NRG3: variants seen among roughly 807,000 people sequenced by gnomAD.
NRG3 encodes neuregulin 3.
A neutral mutation model predicts 66.9 loss-of-function variants in NRG3; 31 were observed. That is an observed-to-expected ratio of 0.46 (90% CI 0.35 to 0.63). The LOEUF is 0.63. Ranked by LOEUF, NRG3 falls within the 20% of genes least tolerant of loss-of-function variation. The pLI is 0.00. For missense variants in NRG3, 910 were observed against 878.9 expected (o/e 1.04, Z -0.45); for synonymous variants, 393 against 359.4 (o/e 1.09, Z -1.06).
intron 1 of NRG3, chr10:81,889,796 G>C (rs1842884250): frequency 6.6e-6 from 1 of 152,092 alleles, no homozygotes; most frequent in Non-Finnish European, 1.5e-5. Context: ...TATTTGTTCA[G>C]GTCTTTTTGT....
intron 1 of NRG3, among the ~76,000 whole-genome samples, chr10:82,320,294 A>G (rs1285879774): frequency 6.6e-6 from 1 of 152,212 alleles, no homozygotes; most frequent in Admixed American, 6.5e-5. Flanking sequence ...GATGCTTAGT[A>G]AATACCTAAG....
At chr10:82,381,402 A>C (rs2085609421) in intron 2 of NRG3, among the ~76,000 whole-genome samples, 1 of 152,166 alleles carries the variant, frequency 6.6e-6, no homozygotes, top group Admixed American at 6.5e-5. Flanking sequence ...TAATCCTTAT[A>C]AAAATCCTTT....
intron 2 of NRG3, among the ~76,000 whole-genome samples, chr10:82,669,546 G>A (rs2053084199): frequency 2.0e-5 from 3 of 152,100 alleles, no homozygotes; most frequent in Admixed American, 2.0e-4. Flanking sequence ...ACTGCTGGAA[G>A]GCACATTCCA....
intron 1 of NRG3, among the ~76,000 whole-genome samples, chr10:82,200,005 T>C (rs1441777692): frequency 6.6e-6 from 1 of 151,976 alleles, no homozygotes; most frequent in Non-Finnish European, 1.5e-5. Context: ...TCAGCCTCAG[T>C]ATCCTTATCC....
intron 2 of NRG3, among the ~76,000 whole-genome samples, chr10:82,373,971 A>G (rs998597386): frequency 2.6e-5 from 4 of 152,174 alleles, no homozygotes; most frequent in Non-Finnish European, 5.9e-5. Context: ...CTCTGTATCT[A>G]TTATAATGTT....
chr10:82,020,410 G>A lies in NRG3; in HGVS notation c.823+144247G>A, dbSNP rs1163041834. Among the ~76,000 whole-genome samples, 4 of 152,104 alleles carry A rather than the reference G, an allele frequency of 2.6e-5. No homozygotes were observed. The South Asian group carries it at 6.2e-4, about 24-fold the overall frequency. On this transcript the variant is annotated intron_variant, in intron 1 of 8. Transcript: ENST00000372141. Reference sequence around the variant, plus strand: ...GGTATAAGGAACTGTCCTAGGTTCCGGAAACACCTCACTCTCACAGAGGAT... The same window carrying A: ...GGTATAAGGAACTGTCCTAGGTTCCAGAAACACCTCACTCTCACAGAGGAT...
At chr10:82,652,714 C>T (rs192244439) in intron 2 of NRG3, among the ~76,000 whole-genome samples, 54 of 152,274 alleles carry the variant, frequency 3.5e-4, no homozygotes, top group African/African-American at 1.0e-3. Flanking sequence ...TCAGGTTTTT[C>T]GGCTTGAGGG....
At chr10:82,168,950 C>CCA (rs1289011404) in intron 1 of NRG3, among the ~76,000 whole-genome samples, 14 of 152,192 alleles carry the variant, frequency 9.2e-5, no homozygotes, top group South Asian at 6.2e-4. Context: ...TTCTAGCATC[C>CCA]AAAAGGTGTT....
At chr10:82,427,782 G>A (rs1037784595) in intron 2 of NRG3, among the ~76,000 whole-genome samples, 3 of 151,922 alleles carry the variant, frequency 2.0e-5, no homozygotes, top group African/African-American at 4.8e-5. Flanking sequence ...ACAAAGGACT[G>A]GTATTAATTC....
At chr10:82,113,291 G>C (rs1383718415) in intron 1 of NRG3, among the ~76,000 whole-genome samples, 8 of 152,130 alleles carry the variant, frequency 5.3e-5, no homozygotes, top group Non-Finnish European at 1.2e-4. Context: ...ACATCACTGA[G>C]TTGTTCAGTG....
At chr10:82,073,729 G>C (rs895918556) in intron 1 of NRG3, among the ~76,000 whole-genome samples, 7 of 152,166 alleles carry the variant, frequency 4.6e-5, no homozygotes, top group South Asian at 2.1e-4. Context: ...TACTTAGAAC[G>C]CTGTAATTAA....
At chr10:82,238,093 C>T (rs2076841762) in intron 1 of NRG3, among the ~76,000 whole-genome samples, 2 of 152,120 alleles carry the variant, frequency 1.3e-5, no homozygotes, top group African/African-American at 4.8e-5. Context: ...ACTCTAGCTG[C>T]ATATCTCAGA....
intron 2 of NRG3, among the ~76,000 whole-genome samples, chr10:82,365,558 G>A (rs1040310296): frequency 2.6e-5 from 4 of 152,066 alleles, no homozygotes; most frequent in Admixed American, 6.6e-5. Context: ...TTAGAAACTC[G>A]GAAAGCAAGC....
intron 4 of NRG3, among the ~76,000 whole-genome samples, chr10:82,928,293 G>T (rs1301675977): frequency 6.6e-6 from 1 of 152,066 alleles, no homozygotes; most frequent in Non-Finnish European, 1.5e-5. Flanking sequence ...TAGGTTGCCT[G>T]TTCACTCTGA....
chr10:82,698,802 C>T (rs1275658402), intron 2 of NRG3, among the ~76,000 whole-genome samples: 1 of 151,910 alleles, frequency 6.6e-6, no homozygotes, highest in Non-Finnish European at 1.5e-5. Flanking sequence ...AATGTATTTG[C>T]GTCAGTACTG....
At chr10:82,025,773 C>A (rs1187780408) in intron 1 of NRG3, among the ~76,000 whole-genome samples, 3 of 152,066 alleles carry the variant, frequency 2.0e-5, no homozygotes, top group Non-Finnish European at 4.4e-5. Flanking sequence ...ACTTCTAATT[C>A]TTCTTTGTAA....
chr10:81,907,208 TA>T (rs756352754), intron 1 of NRG3, among the ~76,000 whole-genome samples: 2 of 152,142 alleles, frequency 1.3e-5, no homozygotes, highest in Non-Finnish European at 2.9e-5. Flanking sequence ...ACTAAAAATT[TA>T]AACAAAACAA....
intron 1 of NRG3, among the ~76,000 whole-genome samples, chr10:82,051,913 A>G (rs754602869): frequency 1.3e-5 from 2 of 152,032 alleles, no homozygotes; most frequent in African/African-American, 2.4e-5. Flanking sequence ...TTCCCCACCA[A>G]TTGTTCTTTA....
chr10:82,394,322 C>A (rs1293830762), intron 2 of NRG3, among the ~76,000 whole-genome samples: 1 of 152,202 alleles, frequency 6.6e-6, no homozygotes, highest in African/African-American at 2.4e-5. Context: ...GAGATGTGCC[C>A]AGCCTCCTCC....
Sources: gnomAD v4.1 joint callset for allele counts (sites outside exome capture counted in the v4.1 genomes callset) on GRCh38, gnomAD v4.1.1 for gene constraint, MANE v1.5 for transcripts, NCBI Gene and HGNC (gene_info 2026-07-23, HGNC 2026-07-21) for gene names.